Variants in EPHB1 observed in about 807,000 individuals in gnomAD.
EPHB1 encodes ephrin type-B receptor 1.
In EPHB1, 30 loss-of-function variants were observed where a neutral mutation model predicts 94.4. That is an observed-to-expected ratio of 0.32 (90% CI 0.24 to 0.43). The LOEUF (loss-of-function observed/expected upper bound fraction) is 0.43. Ranked by LOEUF, EPHB1 falls within the 20% of genes least tolerant of loss-of-function variation. The pLI is 1.00. For synonymous variants in EPHB1, 522 were observed against 489.1 expected, an observed-to-expected ratio of 1.07 and a Z score of -0.89; for missense variants, 1,055 against 1,308.3, an observed-to-expected ratio of 0.81 and a Z score of 2.99.
At chr3:134,966,653 G>A (rs941657741) in intron 3 of EPHB1, among the ~76,000 whole-genome samples, 1 of 152,256 alleles carries the variant, frequency 6.6e-6, no homozygotes, top group African/African-American at 2.4e-5. Flanking sequence ...TGCCCATGCA[G>A]GAGCAGCTAA....
intron 1 of EPHB1, among the ~76,000 whole-genome samples, chr3:134,857,396 G>T (rs1421658678): frequency 6.6e-6 from 1 of 152,014 alleles, no homozygotes; most frequent in Admixed American, 6.6e-5. Flanking sequence ...TCCTACTTTC[G>T]ATACAGGCAG....
rs138203417 is a variant in EPHB1 at position 134,871,771 on chromosome 3, G to A, written c.59-54045G>A. Among the ~76,000 whole-genome samples the A allele has an allele frequency of 3.1e-3, 472 of 152,222 alleles. 3 individuals are homozygous for A. Among genetic ancestry groups the A allele is most frequent in the African/African-American group, 0.011 (452 of 41,536 alleles). On this transcript the variant is annotated intron_variant, in intron 1 of 15. Coordinates refer to ENST00000398015, the MANE Select transcript of EPHB1 (RefSeq NM_004441.5). ...TAGATCTCTCTGCTGGGATTTCCAA[G>A]AGTCTCCTCCGCCATGTTATGTCCA...
At chr3:134,918,270 G>C (rs559566442) in intron 1 of EPHB1, among the ~76,000 whole-genome samples, 1 of 152,282 alleles carries the variant, frequency 6.6e-6, no homozygotes, top group African/African-American at 2.4e-5. Context: ...CAGGCAAGAG[G>C]AACAGCATGA....
At chr3:135,087,222 C>T (rs1262057008) in intron 3 of EPHB1, among the ~76,000 whole-genome samples, 1 of 152,090 alleles carries the variant, frequency 6.6e-6, no homozygotes, top group African/African-American at 2.4e-5. Context: ...ACATTTTTAG[C>T]CCCCACTGAT....
intron 3 of EPHB1, among the ~76,000 whole-genome samples, chr3:135,086,924 G>A (rs1938381809): frequency 6.6e-6 from 1 of 152,202 alleles, no homozygotes; most frequent in Non-Finnish European, 1.5e-5. Flanking sequence ...TGAAAGAGCT[G>A]TTCTCTATTT....
At chr3:134,964,162 G>A (rs563288860) in intron 3 of EPHB1, among the ~76,000 whole-genome samples, 3 of 152,334 alleles carry the variant, frequency 2.0e-5, no homozygotes, top group African/African-American at 7.2e-5. Context: ...GAGAGTCTTT[G>A]CATTAGGATG....
intron 3 of EPHB1, among the ~76,000 whole-genome samples, chr3:135,105,767 G>A (rs1368262398): frequency 6.6e-6 from 1 of 152,158 alleles, no homozygotes; most frequent in East Asian, 1.9e-4. Flanking sequence ...TCCCTGGTGT[G>A]CTGTCTGCAA....
At chr3:135,048,651 G>A (rs1937078635) in intron 3 of EPHB1, among the ~76,000 whole-genome samples, 1 of 152,168 alleles carries the variant, frequency 6.6e-6, no homozygotes, top group Non-Finnish European at 1.5e-5. Flanking sequence ...GAGTAGCCAA[G>A]TCATCACCAC....
At chr3:135,065,599 C>T (rs1937570886) in intron 3 of EPHB1, among the ~76,000 whole-genome samples, 1 of 152,164 alleles carries the variant, frequency 6.6e-6, no homozygotes, top group Admixed American at 6.5e-5. Context: ...AGGTGAGTCT[C>T]TTGAAGGCAG....
intron 9 of EPHB1, among the ~76,000 whole-genome samples, chr3:135,179,190 G>A (rs1384316077): frequency 6.6e-6 from 1 of 152,052 alleles, no homozygotes; most frequent in African/African-American, 2.4e-5. Context: ...TCATACTTCA[G>A]TGTGTCCGAA....
At chr3:135,150,154 C>T (rs1309064442) in intron 5 of EPHB1, among the ~76,000 whole-genome samples, 1 of 152,202 alleles carries the variant, frequency 6.6e-6, no homozygotes, top group Non-Finnish European at 1.5e-5. Flanking sequence ...AATCCTCAGG[C>T]CATTAGCATT....
At chr3:134,860,381 T>C (rs868130) in intron 1 of EPHB1, among the ~76,000 whole-genome samples, 83,213 of 151,988 alleles carry the variant, frequency 0.55, 25,608 homozygotes, top group East Asian at 0.8. Context: ...CATCTGTTCC[T>C]AGGCTGGTTG....
intron 3 of EPHB1, among the ~76,000 whole-genome samples, chr3:135,106,161 G>A (rs57919040): frequency 0.03 from 4,623 of 152,270 alleles, 234 homozygotes; most frequent in African/African-American, 0.1. Context: ...CTACACTTTA[G>A]ATTTGTTTTC....
intron 7 of EPHB1, among the ~76,000 whole-genome samples, 180 bp downstream of exon 7, chr3:135,162,360 C>A (rs1265863187): frequency 2.0e-5 from 3 of 152,226 alleles, no homozygotes; most frequent in Admixed American, 6.5e-5. Context: ...TGGCTCATTT[C>A]TCTCCCAACG....
At chr3:135,144,399 G>T (rs1024367065) in intron 5 of EPHB1, among the ~76,000 whole-genome samples, 1 of 152,184 alleles carries the variant, frequency 6.6e-6, no homozygotes, top group African/African-American at 2.4e-5. Context: ...AACACAGATT[G>T]CTGGGCCCAC....
chr3:135,101,540 A>AT (rs369186263), intron 3 of EPHB1, among the ~76,000 whole-genome samples: 3,987 of 144,974 alleles, frequency 0.028, 152 homozygotes, highest in African/African-American at 0.088. Context: ...CGCCCAGCTA[A>AT]TTTTTTTTTT....
intron 4 of EPHB1, among the ~76,000 whole-genome samples, chr3:135,131,223 A>T (rs909906925): frequency 6.6e-6 from 1 of 152,166 alleles, no homozygotes; most frequent in Admixed American, 6.5e-5. Context: ...GCTCAGGCCT[A>T]ATGGGCTTTA....
At chr3:135,234,674 A>C (rs1187411446) in intron 12 of EPHB1, among the ~76,000 whole-genome samples, 5 of 152,200 alleles carry the variant, frequency 3.3e-5, no homozygotes, top group Non-Finnish European at 7.3e-5. Flanking sequence ...GACCTCAGGA[A>C]ACTTACAATC....
chr3:135,203,613 A>T (rs1037680062), intron 12 of EPHB1, among the ~76,000 whole-genome samples: 2 of 152,180 alleles, frequency 1.3e-5, no homozygotes, highest in Non-Finnish European at 2.9e-5. Context: ...TAGCTCATGA[A>T]CTATCAAAAA....
Sources: allele counts gnomAD v4.1 joint callset (sites outside exome capture counted in the v4.1 genomes callset), GRCh38; gene constraint gnomAD v4.1.1; transcripts MANE v1.5; gene names NCBI Gene and HGNC (gene_info 2026-07-23, HGNC 2026-07-21).